Variants in WIZ observed in about 807,000 individuals in gnomAD.
The protein encoded by WIZ is WIZ zinc finger, also known as protein Wiz.
WIZ carries 25 observed loss-of-function variants against 140.2 expected under a neutral mutation model. The observed-to-expected ratio is 0.18, with a 90% CI of 0.13 to 0.25. The LOEUF is 0.25. Ranked by LOEUF, WIZ falls within the 10% of genes least tolerant of loss-of-function variation. The probability of loss-of-function intolerance (pLI) is 1.00; values close to 1 mark genes in which losing one functional copy is unlikely to be tolerated. For synonymous variants in WIZ, 1,125 were observed against 1,154.3 expected (o/e 0.97, Z 0.51); for missense variants, 2,231 against 2,632.6 (o/e 0.85, Z 3.34).
At chr19:15,444,557 C>T (rs1047903070) in intron 2 of WIZ, among the ~76,000 whole-genome samples, 1 of 152,140 alleles carries the variant, frequency 6.6e-6, no homozygotes, top group Non-Finnish European at 1.5e-5. Flanking sequence ...ACCAAAGTGT[C>T]CCCTGGAGGG....
chr19:15,440,952 C>T lies in WIZ; in HGVS notation c.279-237G>A, dbSNP rs913990323. Among the ~76,000 whole-genome samples, 46 of 152,220 alleles carry T rather than the reference C, an allele frequency of 3.0e-4. No homozygotes were observed. The highest frequency in any genetic ancestry group is 9.9e-4 in the African/African-American group (41 of 41,516). The stretch of plus-strand genomic sequence containing the variant: ...TGCACCTGTCCACAAAGCCTAGCCC[C>T]GCTGCATTGTGGGGGAATGTACGGA... On this transcript the variant is annotated intron_variant, in intron 3 of 12. Coordinates refer to ENST00000673675, the MANE Select transcript of WIZ (RefSeq NM_001371589.1). The surrounding 1 kb of genome is among the most constrained non-coding windows in gnomAD (Gnocchi z 6.2).
At chr19:15,432,228 G>C (rs1413331003) in intron 5 of WIZ, among the ~76,000 whole-genome samples, 1 of 152,026 alleles carries the variant, frequency 6.6e-6, no homozygotes, top group Non-Finnish European at 1.5e-5. Context: ...TGTCAGACGG[G>C]GCAAAGGTCT....
At position 15,427,840 on chromosome 19, in the gene WIZ, C is replaced by T. The variant is rs1355251961; in HGVS notation, c.3814+270G>A. Among the ~76,000 whole-genome samples the T allele has an allele frequency of 6.6e-6, 1 of 152,166 alleles. No homozygotes were observed. Among genetic ancestry groups the T allele is most frequent in the East Asian group, 1.9e-4 (1 of 5,188 alleles). On this transcript the variant is annotated intron_variant, in intron 8 of 12. Coordinates refer to ENST00000673675, the MANE Select transcript of WIZ (RefSeq NM_001371589.1). This position sits in a 1 kb window ranked among gnomAD's most constrained non-coding sequence, Gnocchi z 6.4. ...AGGGAGGCAGCCTAGGTGCTATGTG[C>T]CATCCAGACAGGGGCAGATGTGGGT...
Position 15,429,702 on chromosome 19 carries a change from C to T in WIZ, c.3299G>A (p.Gly1100Asp), listed in dbSNP as rs1433197488. 5 of 1,442,844 alleles carry T rather than the reference C, an allele frequency of 3.5e-6. No homozygotes were observed. The African/African-American group carries it at 7.2e-5, about 21-fold the overall frequency. The allele number at this position is 1,442,844 out of a possible 1,614,324, so 89.4% of individuals were successfully genotyped here. Residue 1100 changes from glycine to aspartate, a missense_variant, in exon 7 of 13, where the codon GGC (glycine) becomes GAC (aspartate). Gly to Asp is a moderately conservative substitution (Grantham distance 94). Around this residue, in one of 15 missense-constraint regions of WIZ, gnomAD observed 163 missense variants for 166.8 expected, o/e 0.98. Transcript: ENST00000673675. ...LLKKTPLALAGSPTPKNPEDK... is the reference protein window; with the variant it reads ...LLKKTPLALADSPTPKNPEDK... ...CTCAGGATTCTTAGGGGTAGGGGAG[C>T]CCGCCAGGGCCAGTGGTGTCTTTTT... is the stretch of plus-strand genomic sequence containing the variant.
intron 4 of WIZ, 87 bp downstream of exon 4, chr19:15,438,491 T>A: frequency 1.4e-6 from 2 of 1,386,448 alleles, no homozygotes; most frequent in Middle Eastern, 5.1e-4. Flanking sequence ...AGTGTCCCCC[T>A]GCTTGGCGCT....
chr19:15,436,721 C>A, intron 5 of WIZ, 85 bp downstream of exon 5: 1 of 1,340,394 alleles, frequency 7.5e-7, no homozygotes, highest in East Asian at 2.8e-5. Flanking sequence ...GAAAGCTGAG[C>A]GGCTGCCCCT....
At chr19:15,436,548 G>C (rs1452965622) in intron 5 of WIZ, 3 of 459,414 alleles carry the variant, frequency 6.5e-6, no homozygotes, top group Non-Finnish European at 1.1e-5. Flanking sequence ...TAAAAGCTCA[G>C]TAAGCATTTG....
In WIZ at chr19:15,439,673, C is replaced by A; in HGVS notation, c.1321G>T (p.Gly441Trp). 13 of 1,501,598 alleles carry A rather than the reference C, an allele frequency of 8.7e-6. No homozygotes were observed. The highest frequency in any genetic ancestry group is 1.1e-5 in the Non-Finnish European group (13 of 1,131,936). The allele number at this position is 1,501,598 out of a possible 1,614,324, so 93.0% of individuals were successfully genotyped here. A position where few individuals can be genotyped will look rare whatever the true frequency, so the allele number is the denominator to read the frequency against. Residue 441 changes from glycine to tryptophan, a missense_variant, in exon 4 of 13, where the codon GGG becomes TGG. Gly to Trp is a radical substitution (Grantham distance 184). Transcript: ENST00000673675. The surrounding 1 kb of genome is among the most constrained non-coding windows in gnomAD (Gnocchi z 7.0). ...TTKEPFGGSS[G>W]AGSPSPEASA... is the part of the protein sequence containing the mutation. ...GCCTCAGGGCTGGGGCTGCCAGCCC[C>A]GCTGCTGCCTCCAAAAGGCTCTTTG... is the stretch of plus-strand genomic sequence containing the variant.
intron 9 of WIZ, among the ~76,000 whole-genome samples, chr19:15,425,985 A>G (rs1055270822): frequency 1.3e-5 from 2 of 150,502 alleles, no homozygotes; most frequent in African/African-American, 4.9e-5. Context: ...CTGCCTAGCT[A>G]CCCCTGTCCA....
At chr19:15,433,156 G>A in intron 5 of WIZ, 1 of 831,286 alleles carries the variant, frequency 1.2e-6, no homozygotes, top group Non-Finnish European at 1.5e-6. Flanking sequence ...CGGGGATCCT[G>A]GAAAACACCT....
chr19:15,447,672 G>A (rs954281913), intron 2 of WIZ, among the ~76,000 whole-genome samples: 1 of 152,228 alleles, frequency 6.6e-6, no homozygotes, highest in African/African-American at 2.4e-5. Flanking sequence ...CCTCTCCCTA[G>A]CCACTACAGA....
Position 15,428,208 on chromosome 19 carries a change from G to A in WIZ, c.3716C>T (p.Ala1239Val), listed in dbSNP as rs554651527. The A allele has an allele frequency of 3.9e-6, 6 of 1,533,514 alleles. No homozygotes were observed. The highest frequency in any genetic ancestry group is 5.2e-6 in the Non-Finnish European group (6 of 1,146,466). The allele number at this position is 1,533,514 out of a possible 1,614,324, so 95.0% of individuals were successfully genotyped here. ...CTTCCCCCAGGGGCTGGCCATACCC[G>A]CGGCCTTCAGCTTGGCCTTCTTGGC... The part of the protein sequence containing the change: ...PPAKKAKLKA[A>V]GMASPWGKQD... Residue 1239 changes from alanine (A) to valine (V), a missense_variant, in exon 8 of 13, where the codon GCG becomes GTG. Ala to Val is a moderately conservative substitution (Grantham distance 64, BLOSUM62 0). Around this residue, in one of 15 missense-constraint regions of WIZ, gnomAD observed 141 missense variants for 161.2 expected, o/e 0.87. Coordinates refer to ENST00000673675, the MANE Select transcript of WIZ (RefSeq NM_001371589.1). This position sits in a 1 kb window ranked among gnomAD's most constrained non-coding sequence, Gnocchi z 6.4.
rs1968928255 is a variant in WIZ, at chr19:15,427,612, G to A, written c.3815-79C>T. The A allele has an allele frequency of 6.8e-7, 1 of 1,467,396 alleles. No homozygotes were observed. Among genetic ancestry groups the A allele is most frequent in the Non-Finnish European group, 9.1e-7 (1 of 1,100,926 alleles). The allele number at this position is 1,467,396 out of a possible 1,614,324, so 90.9% of individuals were successfully genotyped here. A position where few individuals can be genotyped will look rare whatever the true frequency, so the allele number is the denominator to read the frequency against. ...ACCTGCAGGAGTGTCCTGGTCGGCT[G>A]GGCGTGGGCGGCAGCAGCACGCCCA... On this transcript the variant is annotated intron_variant, in intron 8 of 12. Transcript: ENST00000673675. This position sits in a 1 kb window ranked among gnomAD's most constrained non-coding sequence, Gnocchi z 6.4.
intron 7 of WIZ, 70 bp downstream of exon 7, chr19:15,429,516 T>G: frequency 6.9e-6 from 3 of 437,526 alleles, no homozygotes; most frequent in East Asian, 7.2e-5. Flanking sequence ...GTCCCTGGGC[T>G]ACAGCCCAAC....
Position 15,440,864 on chromosome 19 carries a change from AG to A in WIZ, c.279-150del, listed in dbSNP as rs373365709. ...GGGTGTGGGGGTGAGGGTGGGAGGT[AG>A]GGGGAGTCCACGTGGATCCTTCCGG... On this transcript the variant is annotated intron_variant, in intron 3 of 12. Transcript: ENST00000673675. This position sits in a 1 kb window ranked among gnomAD's most constrained non-coding sequence, Gnocchi z 6.2. 635 of 708,350 alleles carry A rather than the reference AG, an allele frequency of 9.0e-4. 9 individuals carry two copies. The East Asian group carries it at 0.016, about 18-fold the overall frequency. 43.9% of individuals were successfully genotyped at this position (708,350 alleles called of 1,614,324 possible).
At chr19:15,431,364 T>TG (rs1969226216) in intron 5 of WIZ, among the ~76,000 whole-genome samples, 182 bp from the exon 6 acceptor site, 1 of 152,204 alleles carries the variant, frequency 6.6e-6, no homozygotes, top group African/African-American at 2.4e-5. Flanking sequence ...ACACTGAGGC[T>TG]GCCACTGACA....
intron 6 of WIZ, 94 bp downstream of exon 6, chr19:15,430,918 C>T (rs936855203): frequency 2.8e-5 from 40 of 1,405,236 alleles, no homozygotes; most frequent in Non-Finnish European, 3.5e-5. Context: ...TGCGGGCAAC[C>T]TTGGGCCCCA....
rs751537811 is a variant in WIZ, at chr19:15,425,753, G to A, written c.4382C>T (p.Pro1461Leu). 37 of 1,592,452 alleles carry A rather than the reference G, an allele frequency of 2.3e-5. No individual in the cohort carries two copies. The Middle Eastern group carries it at 1.2e-3, about 50-fold the overall frequency. The change falls in exon 10 of 13, where the codon CCG (proline) becomes CTG (leucine). Residue 1461 changes from proline (P) to leucine (L), a missense_variant. Around this residue, in one of 15 missense-constraint regions of WIZ, gnomAD observed 393 missense variants for 451.7 expected, o/e 0.87. Coordinates refer to ENST00000673675, the MANE Select transcript of WIZ (RefSeq NM_001371589.1). ...GAACTCACAGCGGATGTCGCGCACC[G>A]GCTCTGCCCGGGACGCTGCAGGGGA... ...TPLNLSSRAEPVRDIRCEFCG... is the reference protein window; with the variant it reads ...TPLNLSSRAELVRDIRCEFCG...
intron 2 of WIZ, among the ~76,000 whole-genome samples, chr19:15,444,330 G>T (rs1356861579): frequency 6.6e-6 from 1 of 152,180 alleles, no homozygotes; most frequent in East Asian, 1.9e-4. Flanking sequence ...GAAAAGGGTT[G>T]TGACTGTTGT....
Sources: allele counts gnomAD v4.1 joint callset (sites outside exome capture counted in the v4.1 genomes callset), GRCh38; gene constraint gnomAD v4.1.1; regional missense constraint gnomAD v4.1.1; non-coding constraint Gnocchi (gnomAD v3.1); transcripts MANE v1.5; gene names NCBI Gene and HGNC (gene_info 2026-07-23, HGNC 2026-07-21).